The following DENND1A variants were observed in gnomAD, a reference collection of about 807,000 sequenced individuals.
DENND1A encodes DENN domain-containing protein 1A.
DENND1A carries 51 observed loss-of-function variants against 113.7 expected under a neutral mutation model. The ratio of observed to expected loss-of-function variants is 0.45; its 90% confidence interval spans 0.36 to 0.57. DENND1A has a LOEUF of 0.57. Ranked by LOEUF, DENND1A falls within the 20% of genes least tolerant of loss-of-function variation. The pLI is 0.00. For synonymous variants in DENND1A, 565 were observed against 570.8 expected, an observed-to-expected ratio of 0.99 and a Z score of 0.14; for missense variants, 1,258 against 1,395.9, an observed-to-expected ratio of 0.90 and a Z score of 1.57.
At chr9:123,783,014 T>C (rs1831559733) in intron 3 of DENND1A, among the ~76,000 whole-genome samples, 1 of 152,142 alleles carries the variant, frequency 6.6e-6, no homozygotes, top group Admixed American at 6.5e-5. Flanking sequence ...TGTATATAAA[T>C]ATTTGAAAAA....
In DENND1A at chr9:123,382,636, G is replaced by A. The variant is rs1056888924; in HGVS notation, c.2020-11C>T. On this transcript the variant is annotated splice_polypyrimidine_tract_variant and intron_variant, in intron 23 of 23. Transcript: ENST00000394215. Reference sequence around the variant, plus strand: ...GCCCAGATCCAGCCTCTGTTGGGAGGGAAGGAGGGCGGCAGTGACCACGGG... The same window carrying A: ...GCCCAGATCCAGCCTCTGTTGGGAGAGAAGGAGGGCGGCAGTGACCACGGG... 8 of 1,613,650 alleles carry A rather than the reference G, an allele frequency of 5.0e-6. No homozygotes were observed. The African/African-American group carries it at 8.0e-5, about 16-fold the overall frequency.
At chr9:123,558,268 T>G (rs2900216) in intron 12 of DENND1A, among the ~76,000 whole-genome samples, 12,351 of 152,232 alleles carry the variant, frequency 0.081, 572 homozygotes, top group Non-Finnish European at 0.11. Flanking sequence ...ATCAAAGTCT[T>G]GTAGTCTGGG....
intron 2 of DENND1A, among the ~76,000 whole-genome samples, chr9:123,853,479 C>T (rs1332604442): frequency 4.0e-5 from 6 of 151,652 alleles, no homozygotes; most frequent in African/African-American, 1.5e-4. Flanking sequence ...GCCTGGCCAA[C>T]CTGGTAAAAC....
chr9:123,889,156 G>C (rs1207261551), intron 1 of DENND1A, among the ~76,000 whole-genome samples: 1 of 151,934 alleles, frequency 6.6e-6, no homozygotes, highest in Non-Finnish European at 1.5e-5. Context: ...TGGTTCTATG[G>C]AAAGAACCCC....
chr9:123,523,778 G>A (rs1317380313), intron 13 of DENND1A, among the ~76,000 whole-genome samples: 1 of 152,200 alleles, frequency 6.6e-6, no homozygotes, highest in Non-Finnish European at 1.5e-5. Context: ...CAACTGGCCT[G>A]AAAAGTATTC....
At chr9:123,926,190 G>A (rs372782715) in intron 1 of DENND1A, among the ~76,000 whole-genome samples, 2 of 152,122 alleles carry the variant, frequency 1.3e-5, no homozygotes, top group East Asian at 1.9e-4. Flanking sequence ...GGTTTCCAGG[G>A]TGCTACCTGC....
chr9:123,406,644 A>G (rs898272694), intron 20 of DENND1A, among the ~76,000 whole-genome samples: 5 of 152,244 alleles, frequency 3.3e-5, no homozygotes, highest in African/African-American at 9.6e-5. Flanking sequence ...CACAGCTCAC[A>G]TTCAGTCAAC....
chr9:123,724,457 T>G (rs1589817711), intron 5 of DENND1A, among the ~76,000 whole-genome samples: 2 of 143,652 alleles, frequency 1.4e-5, no homozygotes, highest in Admixed American at 7.1e-5. Flanking sequence ...CCACCTGGAG[T>G]GAGGGGAAGG....
intron 21 of DENND1A, among the ~76,000 whole-genome samples, chr9:123,396,826 C>A (rs548752643): frequency 6.6e-6 from 1 of 152,166 alleles, no homozygotes; most frequent in Non-Finnish European, 1.5e-5. Flanking sequence ...TTCTCTGGGT[C>A]CCTCAGAATC....
At chr9:123,685,042 C>G (rs1283552488) in intron 5 of DENND1A, among the ~76,000 whole-genome samples, 1 of 152,234 alleles carries the variant, frequency 6.6e-6, no homozygotes, top group Non-Finnish European at 1.5e-5. Flanking sequence ...TGAGTACCAG[C>G]TCTGTTACTT....
At chr9:123,910,753 A>T (rs1237476443) in intron 1 of DENND1A, among the ~76,000 whole-genome samples, 1 of 152,204 alleles carries the variant, frequency 6.6e-6, no homozygotes, top group Non-Finnish European at 1.5e-5. Context: ...CAGGCTGGAC[A>T]ACATGGTGAA....
intron 4 of DENND1A, among the ~76,000 whole-genome samples, chr9:123,760,885 G>T (rs1401311116): frequency 6.6e-6 from 1 of 152,076 alleles, no homozygotes; most frequent in Non-Finnish European, 1.5e-5. Context: ...TTACAAATAA[G>T]GTTGTGCTTT....
chr9:123,493,830 CA>C (rs1244425966), intron 13 of DENND1A, among the ~76,000 whole-genome samples: 3 of 152,172 alleles, frequency 2.0e-5, no homozygotes, highest in Non-Finnish European at 4.4e-5. Flanking sequence ...ACCAGGCGAC[CA>C]TTGCTTGGAC....
chr9:123,709,177 G>A (rs1175833391), intron 5 of DENND1A, among the ~76,000 whole-genome samples: 4 of 152,144 alleles, frequency 2.6e-5, no homozygotes, highest in Non-Finnish European at 5.9e-5. Flanking sequence ...GGCCTAAATG[G>A]AGCAGACAGA....
intron 10 of DENND1A, among the ~76,000 whole-genome samples, chr9:123,610,913 C>T (rs1291501817): frequency 6.6e-6 from 1 of 152,170 alleles, no homozygotes; most frequent in Middle Eastern, 3.2e-3. Context: ...ATTGCTCAAA[C>T]ATTTAAAAAT....
At chr9:123,754,506 T>C (rs1262512823) in intron 5 of DENND1A, among the ~76,000 whole-genome samples, 4 of 152,146 alleles carry the variant, frequency 2.6e-5, no homozygotes, top group African/African-American at 9.7e-5. Flanking sequence ...ACAGTCACTA[T>C]CCTCTGGCAC....
At chr9:123,906,904 A>T (rs1176884993) in intron 1 of DENND1A, among the ~76,000 whole-genome samples, 2 of 118,482 alleles carry the variant, frequency 1.7e-5, no homozygotes, top group East Asian at 4.7e-4. Context: ...AGACACAACC[A>T]AAAAAGAGAA....
At position 123,769,643 on chromosome 9, in the gene DENND1A, A is replaced by C. The variant is rs1829405256; in HGVS notation, c.133-80T>G. 5.6e-6 allele frequency: 7 copies of C among 1,246,474 alleles called. 1 individual carries two copies. In the South Asian group the frequency reaches 1.1e-4, roughly 19 times the overall value. The allele number at this position is 1,246,474 out of a possible 1,614,324, so 77.2% of individuals were successfully genotyped here. On this transcript the variant is annotated intron_variant, in intron 3 of 23. Coordinates refer to ENST00000394215, the MANE Select transcript of DENND1A (RefSeq NM_001352964.2). ...ATTAACCACAGCACACAATCTAGCA[A>C]CTTTACCCTAAAGAAAGAGGAGACA... is the stretch of plus-strand genomic sequence containing the variant.
chr9:123,784,890 C>T lies in DENND1A; in HGVS notation c.132+7697G>A, dbSNP rs990723173. Among the ~76,000 whole-genome samples the T allele has an allele frequency of 5.3e-5, 8 of 152,208 alleles. 1 individual carries two copies. In the South Asian group the frequency reaches 1.2e-3, roughly 24 times the overall value. ...TCAACTTAAAAGAAGAGCCTTAAGT[C>T]AGAAAATGTCTCAATTTTTCAATTG... is the stretch of plus-strand genomic sequence containing the variant. On this transcript the variant is annotated intron_variant, in intron 3 of 23. Coordinates refer to ENST00000394215, the MANE Select transcript of DENND1A (RefSeq NM_001352964.2).
Sources: gnomAD v4.1 joint callset for allele counts (sites outside exome capture counted in the v4.1 genomes callset) on GRCh38, gnomAD v4.1.1 for gene constraint, MANE v1.5 for transcripts, NCBI Gene and HGNC (gene_info 2026-07-23, HGNC 2026-07-21) for gene names.